The following ZNF23 variants were observed in gnomAD, a reference collection of about 807,000 sequenced individuals.
ZNF23 encodes the protein zinc finger protein 23.
In ZNF23, 48 loss-of-function variants were observed where a neutral mutation model predicts 56.2. The observed-to-expected ratio is 0.85, with a 90% CI of 0.68 to 1.09. ZNF23 has a LOEUF of 1.09. ZNF23 is among the 50% of genes least tolerant of loss of function. The pLI, the probability that ZNF23 is intolerant of heterozygous loss-of-function variation, is 0.00. For synonymous variants in ZNF23, 266 were observed against 283.3 expected (o/e 0.94, Z 0.61); for missense variants, 805 against 811.4 (o/e 0.99, Z 0.10).
At chr16:71,460,262 C>T (rs1266515784) in intron 1 of ZNF23, among the ~76,000 whole-genome samples, 3 of 152,180 alleles carry the variant, frequency 2.0e-5, no homozygotes, top group African/African-American at 7.2e-5. Flanking sequence ...ATCTACTTGC[C>T]AAGCTGGACT....
intron 1 of ZNF23, 133 bp downstream of exon 1, chr16:71,462,077 T>C (rs1220350079): frequency 6.6e-6 from 1 of 152,368 alleles, no homozygotes; most frequent in Non-Finnish European, 1.5e-5. Flanking sequence ...CCCTGCTCCC[T>C]CTCCCAGCCT....
At chr16:71,460,317 AGTTTT>A (rs2043396201) in intron 1 of ZNF23, among the ~76,000 whole-genome samples, 1 of 135,944 alleles carries the variant, frequency 7.4e-6, no homozygotes, top group Non-Finnish European at 1.6e-5. Flanking sequence ...CCAAGGGGAT[AGTTTT>A]TTTTTTTAAA....
intron 4 of ZNF23, chr16:71,450,650 C>T (rs1488486924): frequency 2.3e-5 from 10 of 428,758 alleles, no homozygotes; most frequent in East Asian, 8.2e-5. Context: ...ACCCGGGAAA[C>T]GGAAGTTGCG....
At chr16:71,456,660 A>G in intron 2 of ZNF23, 104 bp downstream of exon 2, 1 of 980,024 alleles carries the variant, frequency 1.0e-6, no homozygotes, top group Non-Finnish European at 1.2e-6. Context: ...GTTCCAGTCC[A>G]GCAGGTGGAA....
intron 2 of ZNF23, among the ~76,000 whole-genome samples, chr16:71,454,643 C>T (rs777934887): frequency 5.3e-5 from 8 of 152,134 alleles, no homozygotes; most frequent in Non-Finnish European, 1.0e-4. Context: ...ACCAGATTCC[C>T]TTCACAGACC....
At chr16:71,453,743 G>T in intron 3 of ZNF23, 1 of 544,358 alleles carries the variant, frequency 1.8e-6, no homozygotes, top group Non-Finnish European at 3.3e-6. Context: ...CAGGTAAGAT[G>T]AGGGGGCAAC....
chr16:71,461,816 ATAGGT>A (rs1378488078), intron 1 of ZNF23: 3 of 152,256 alleles, frequency 2.0e-5, no homozygotes, highest in African/African-American at 7.2e-5. Flanking sequence ...CGGGATGCAC[ATAGGT>A]TAATGTTCCT....
In ZNF23 at chr16:71,449,659, A is replaced by C; in HGVS notation, c.495T>G (p.Phe165Leu). 1.2e-6 allele frequency: 2 copies of C among 1,613,568 alleles called. No individual in the cohort carries two copies. The highest frequency in any genetic ancestry group is 1.7e-6 in the Non-Finnish European group (2 of 1,179,952). ...ACTGATATGAGTTTGAACTTTGACT[A>C]AAAAAACACTCCTCCACGGGGCTTG... ...DETSPVEECFFSQSSNSYQCH... is the reference protein window; with the variant it reads ...DETSPVEECFLSQSSNSYQCH... Residue 165 changes from phenylalanine to leucine, a missense_variant, in exon 5 of 5, where the codon TTT becomes TTG. Physicochemically the swap from Phe to Leu is conservative, Grantham distance 22. Coordinates refer to ENST00000647773, the MANE Select transcript of ZNF23 (RefSeq NM_001381984.1).
chr16:71,454,254 GGAGGGT>G, intron 2 of ZNF23, 86 bp from the exon 3 acceptor site: 1 of 1,500,450 alleles, frequency 6.7e-7, no homozygotes. Flanking sequence ...AAGGGCTTGG[GGAGGGT>G]GCTTGTGAGA....
Position 71,448,468 on chromosome 16 carries a change from TA to T in ZNF23, c.1685del (p.Leu562GlnfsTer57). 6.2e-7 allele frequency: 1 copy of T among 1,614,218 alleles called. No individual in the cohort carries two copies. Among genetic ancestry groups the T allele is most frequent in the Non-Finnish European group, 8.5e-7 (1 of 1,180,026 alleles). On this transcript the variant is annotated frameshift_variant, in exon 5 of 5. Coordinates refer to ENST00000647773, the MANE Select transcript of ZNF23 (RefSeq NM_001381984.1). LOFTEE classifies it high-confidence loss of function. ...CAGTATGTATCCTCTGATGCCTAGTTAGTTTGGCATTGATACTGAAGGCTTT... is the reference window on the plus strand; with the variant it reads ...CAGTATGTATCCTCTGATGCCTAGTTGTTTGGCATTGATACTGAAGGCTTT... ...CGKAFSINAKLTRHQRIHTGE... is the reference protein window; with the variant it reads ...CGKAFSINAKXTRHQRIHTGE...
intron 2 of ZNF23, among the ~76,000 whole-genome samples, chr16:71,454,950 C>A (rs2043174977): frequency 1.3e-5 from 2 of 152,190 alleles, no homozygotes; most frequent in South Asian, 2.1e-4. Context: ...CCAACCACCC[C>A]TCCTGGGCAG....
In ZNF23 at chr16:71,455,208, A is replaced by C. The variant is rs938343974; in HGVS notation, c.34-1040T>G. Among the ~76,000 whole-genome samples the C allele has an allele frequency of 2.0e-5, 3 of 152,092 alleles. No individual in the cohort carries two copies. In the South Asian group the frequency reaches 6.2e-4, roughly 32 times the overall value. ...GTCTTCACTGTGTGCCGCCACCACC[A>C]CCCTGGTAAGTTGGCACTTCCTTCT... On this transcript the variant is annotated intron_variant, in intron 2 of 4. Coordinates refer to ENST00000647773, the MANE Select transcript of ZNF23 (RefSeq NM_001381984.1).
intron 3 of ZNF23, 127 bp from the exon 4 acceptor site, chr16:71,453,477 A>G: frequency 1.4e-6 from 1 of 690,078 alleles, no homozygotes; most frequent in South Asian, 1.8e-5. Context: ...CCCAAGCCTC[A>G]GGACTACGGG....
Position 71,449,472 on chromosome 16 carries a change from G to C in ZNF23, c.682C>G (p.Gln228Glu), listed in dbSNP as rs777602194. 1.2e-6 allele frequency: 2 copies of C among 1,614,152 alleles called. No homozygotes were observed. Among genetic ancestry groups the C allele is most frequent in the African/African-American group, 2.7e-5 (2 of 75,030 alleles). ...EPFRCDSQLI[Q>E]HQENNTEEKP... ...TCCTCAGTGTTGTTCTCTTGATGTT[G>C]AATAAGTTGAGAGTCACACCTAAAG... is the stretch of plus-strand genomic sequence containing the variant. Residue 228 changes from glutamine (Q) to glutamate (E), a missense_variant, in exon 5 of 5, where the codon CAA (glutamine) becomes GAA (glutamate). Physicochemically the swap from Gln to Glu is conservative, Grantham distance 29 (BLOSUM62 2). Coordinates refer to ENST00000647773, the MANE Select transcript of ZNF23 (RefSeq NM_001381984.1).
chr16:71,448,811 C>G lies in ZNF23; in HGVS notation c.1343G>C (p.Gly448Ala), dbSNP rs780600300. Residue 448 changes from glycine (G) to alanine (A), a missense_variant, in exon 5 of 5, where the codon GGG becomes GCG. Physicochemically the swap from Gly to Ala is moderately conservative, Grantham distance 60 (BLOSUM62 0). Transcript: ENST00000647773. ...TECGKAFSVKGKLIQHQRIHT... is the reference protein window; with the variant it reads ...TECGKAFSVKAKLIQHQRIHT... ...AATTCTCTGGTGTTGGATTAACTTCCCTTTGACACTGAAGGCTTTTCCACA... is the reference window on the plus strand; with the variant it reads ...AATTCTCTGGTGTTGGATTAACTTCGCTTTGACACTGAAGGCTTTTCCACA... The G allele has an allele frequency of 3.1e-6, 5 of 1,614,058 alleles. No individual in the cohort carries two copies. The highest frequency in any genetic ancestry group is 4.2e-6 in the Non-Finnish European group (5 of 1,180,028).
intron 1 of ZNF23, among the ~76,000 whole-genome samples, chr16:71,460,356 T>G (rs2043398459): frequency 6.6e-6 from 1 of 152,182 alleles, no homozygotes; most frequent in Non-Finnish European, 1.5e-5. Context: ...TTTTTCCTGT[T>G]ATGACATTAT....
intron 1 of ZNF23, chr16:71,461,614 C>T (rs2145150005): frequency 6.6e-6 from 1 of 152,254 alleles, no homozygotes; most frequent in Non-Finnish European, 1.5e-5. Flanking sequence ...AAGTCATTCC[C>T]AGGTCACTGT....
chr16:71,448,160 C>A lies in ZNF23; in HGVS notation c.1994G>T (p.Gly665Val). Reference protein sequence around the residue: ...WKKPYMCSVCGKAFRFSFQLS... With the variant: ...WKKPYMCSVCVKAFRFSFQLS... The stretch of plus-strand genomic sequence containing the variant: ...CTGGAAGCTAAACCTGAATGCTTTC[C>A]CACACACACTACACATATAGGGTTT... The change falls in exon 5 of 5, where the codon GGG (glycine) becomes GTG (valine). Residue 665 changes from glycine (G) to valine (V), a missense_variant. Transcript: ENST00000647773. The A allele has an allele frequency of 6.2e-7, 1 of 1,614,036 alleles. No individual in the cohort carries two copies. Among genetic ancestry groups the A allele is most frequent in the Non-Finnish European group, 8.5e-7 (1 of 1,179,956 alleles).
chr16:71,457,073 A>G (rs1402001698), intron 1 of ZNF23, among the ~76,000 whole-genome samples: 3 of 152,204 alleles, frequency 2.0e-5, no homozygotes, highest in African/African-American at 7.2e-5. Flanking sequence ...CACACTGAAG[A>G]GTATATATAT....
Sources: allele counts gnomAD v4.1 joint callset (sites outside exome capture counted in the v4.1 genomes callset), GRCh38; gene constraint gnomAD v4.1.1; transcripts MANE v1.5; gene names NCBI Gene and HGNC (gene_info 2026-07-23, HGNC 2026-07-21).